Variants in FLT1 observed in about 807,000 individuals in gnomAD.
The protein encoded by FLT1 is vascular endothelial growth factor receptor 1.
In FLT1, 49 loss-of-function variants were observed where a neutral mutation model predicts 156.3. That is an observed-to-expected ratio of 0.31 (90% CI 0.25 to 0.40). The LOEUF (loss-of-function observed/expected upper bound fraction) is 0.40, where lower values mean the gene tolerates loss of function less well. Ranked by LOEUF, FLT1 falls within the 10% of genes least tolerant of loss-of-function variation. The pLI, the probability that FLT1 is intolerant of heterozygous loss-of-function variation, is 1.00. For synonymous variants in FLT1, 594 were observed against 583.8 expected (o/e 1.02, Z -0.25); for missense variants, 1,322 against 1,637.2 (o/e 0.81, Z 3.32).
chr13:28,386,264 A>G (rs1372269126), intron 13 of FLT1: 6 of 1,049,358 alleles, frequency 5.7e-6, no homozygotes, highest in Non-Finnish European at 6.9e-6. Context: ...CTGCAGGGCA[A>G]CTCTCAGGAT....
chr13:28,494,266 G>T (rs1881630476), intron 1 of FLT1, among the ~76,000 whole-genome samples: 1 of 152,226 alleles, frequency 6.6e-6, no homozygotes, highest in South Asian at 2.1e-4. Flanking sequence ...CTACACTCTC[G>T]TGACGCGAGG....
chr13:28,342,049 A>G (rs1872354826), intron 16 of FLT1, among the ~76,000 whole-genome samples: 1 of 151,840 alleles, frequency 6.6e-6, no homozygotes, highest in Non-Finnish European at 1.5e-5. Flanking sequence ...TGCCCAGCTA[A>G]TTTTTGTATT....
intron 1 of FLT1, among the ~76,000 whole-genome samples, chr13:28,469,490 C>G (rs1880031213): frequency 6.6e-6 from 1 of 152,180 alleles, no homozygotes; most frequent in Non-Finnish European, 1.5e-5. Context: ...TTGGCTGCTC[C>G]TCAGGCTCCT....
At position 28,326,110 on chromosome 13, in the gene FLT1, A is replaced by G. The variant is rs112745804; in HGVS notation, c.2796+1352T>C. On this transcript the variant is annotated intron_variant, in intron 20 of 29. Coordinates refer to ENST00000282397, the MANE Select transcript of FLT1 (RefSeq NM_002019.4). ...CCAATTTTTCTATCTTAGTAGGTCAATGATGTTGATGATGATGATGACAGT... is the reference window on the plus strand; with the variant it reads ...CCAATTTTTCTATCTTAGTAGGTCAGTGATGTTGATGATGATGATGACAGT... Among the ~76,000 whole-genome samples the G allele has an allele frequency of 2.4e-3, 367 of 152,286 alleles. 1 individual carries two copies. Among genetic ancestry groups the G allele is most frequent in the African/African-American group, 8.3e-3 (345 of 41,570 alleles).
At chr13:28,433,128 C>T (rs1358302843) in intron 6 of FLT1, among the ~76,000 whole-genome samples, 1 of 152,110 alleles carries the variant, frequency 6.6e-6, no homozygotes, top group Non-Finnish European at 1.5e-5. Flanking sequence ...TGAGATATGC[C>T]GCATAAATCA....
Position 28,447,217 on chromosome 13 carries a change from T to C in FLT1, c.389-8872A>G, listed in dbSNP as rs1444575259. ...TATATATTTGCAAAAGGGTCTCACT[T>C]TTCTAGGCTGAAGTGCAGTGGCAGG... is the stretch of plus-strand genomic sequence containing the variant. On this transcript the variant is annotated intron_variant, in intron 3 of 29. Transcript: ENST00000282397. 6.2e-5 allele frequency among the ~76,000 whole-genome samples: 9 copies of C among 144,448 alleles called. No individual in the cohort carries two copies. In the Admixed American group the frequency reaches 6.6e-4, roughly 11 times the overall value. The allele number at this position is 144,448 out of a possible 152,430, so 94.8% of individuals were successfully genotyped here.
At chr13:28,432,956 C>T (rs1017720537) in intron 6 of FLT1, among the ~76,000 whole-genome samples, 32 of 152,142 alleles carry the variant, frequency 2.1e-4, no homozygotes, top group African/African-American at 7.5e-4. Context: ...ACAGGGCACT[C>T]GTTACACGTT....
intron 14 of FLT1, among the ~76,000 whole-genome samples, chr13:28,367,389 C>T (rs749051941): frequency 1.2e-4 from 18 of 152,152 alleles, no homozygotes; most frequent in African/African-American, 2.2e-4. Context: ...ATGTTGGTTG[C>T]TAATGGAGGA....
At chr13:28,404,602 G>T (rs1028979604) in intron 11 of FLT1, among the ~76,000 whole-genome samples, 1 of 152,168 alleles carries the variant, frequency 6.6e-6, no homozygotes, top group African/African-American at 2.4e-5. Context: ...CTGAATAGAT[G>T]ACATAAGCAT....
intron 1 of FLT1, among the ~76,000 whole-genome samples, chr13:28,478,656 G>C (rs1228552408): frequency 6.6e-6 from 1 of 152,180 alleles, no homozygotes; most frequent in Non-Finnish European, 1.5e-5. Context: ...AAATGAATAT[G>C]TCATGGAGCT....
chr13:28,475,994 CA>C, intron 1 of FLT1, among the ~76,000 whole-genome samples: 1 of 152,080 alleles, frequency 6.6e-6, no homozygotes, highest in Non-Finnish European at 1.5e-5. Flanking sequence ...GAACTGAAAG[CA>C]TATTTTTTCA....
chr13:28,474,328 C>T (rs1294309733), intron 1 of FLT1, among the ~76,000 whole-genome samples: 1 of 151,878 alleles, frequency 6.6e-6, no homozygotes, highest in Admixed American at 6.6e-5. Flanking sequence ...TGGTGGCATG[C>T]ACCTGTAATC....
chr13:28,357,462 C>A, intron 15 of FLT1, 92 bp downstream of exon 15: 1 of 1,284,008 alleles, frequency 7.8e-7, no homozygotes, highest in Non-Finnish European at 1.1e-6. Flanking sequence ...CAGACTGGAG[C>A]AGGCAGCAGG....
chr13:28,323,061 A>G, intron 20 of FLT1, 115 bp from the exon 21 acceptor site: 1 of 1,137,258 alleles, frequency 8.8e-7, no homozygotes. Flanking sequence ...ACTTCTCAAA[A>G]TGGATCGTGA....
chr13:28,440,956 G>C (rs557969319), intron 3 of FLT1, among the ~76,000 whole-genome samples: 1 of 152,252 alleles, frequency 6.6e-6, no homozygotes, highest in African/African-American at 2.4e-5. Context: ...GTGACCATCA[G>C]GTGATGGTCA....
At chr13:28,460,887 A>G (rs940197866) in intron 3 of FLT1, among the ~76,000 whole-genome samples, 4 of 152,104 alleles carry the variant, frequency 2.6e-5, no homozygotes, top group African/African-American at 9.7e-5. Context: ...TATAAAATTG[A>G]AACAAAAATA....
intron 19 of FLT1, among the ~76,000 whole-genome samples, chr13:28,328,692 C>G (rs1002147788): frequency 3.3e-5 from 5 of 152,222 alleles, no homozygotes; most frequent in Non-Finnish European, 5.9e-5. Context: ...CAGAGTTCGG[C>G]TCCCGCATGG....
At chr13:28,444,750 A>C (rs1436639219) in intron 3 of FLT1, among the ~76,000 whole-genome samples, 2 of 152,248 alleles carry the variant, frequency 1.3e-5, no homozygotes, top group African/African-American at 4.8e-5. Flanking sequence ...GTGGAAATTG[A>C]CACATCCCTA....
At position 28,303,047 on chromosome 13, in the gene FLT1, C is replaced by G; in HGVS notation, c.*120G>C. 1 of 837,440 alleles carries G rather than the reference C, an allele frequency of 1.2e-6. No homozygotes were observed. The allele number at this position is 837,440 out of a possible 1,614,324, so 51.9% of individuals were successfully genotyped here. On this transcript the variant is annotated 3_prime_UTR_variant, in exon 30 of 30. Coordinates refer to ENST00000282397, the MANE Select transcript of FLT1 (RefSeq NM_002019.4). ...GCACTATTAAAAAAATCACAAAAAG[C>G]AGCTGGCTCCCATGGAAAGATAAAG...
Sources: gnomAD v4.1 joint callset for allele counts (sites outside exome capture counted in the v4.1 genomes callset) on GRCh38, gnomAD v4.1.1 for gene constraint, MANE v1.5 for transcripts, NCBI Gene and HGNC (gene_info 2026-07-23, HGNC 2026-07-21) for gene names.